Variants in MARCHF1 observed in about 807,000 individuals in gnomAD.
MARCHF1 encodes E3 ubiquitin-protein ligase MARCHF1.
MARCHF1 carries 40 observed loss-of-function variants against 54.2 expected under a neutral mutation model. The ratio of observed to expected loss-of-function variants is 0.74; its 90% CI spans 0.57 to 0.96. The LOEUF (loss-of-function observed/expected upper bound fraction) is 0.96. Ranked by LOEUF, MARCHF1 falls within the 40% of genes least tolerant of loss-of-function variation. The pLI is 0.00. For synonymous variants in MARCHF1, 236 were observed against 236.3 expected, an observed-to-expected ratio of 1.00 and a Z score of 0.01; for missense variants, 586 against 656.5, an observed-to-expected ratio of 0.89 and a Z score of 1.17.
intron 9 of MARCHF1, among the ~76,000 whole-genome samples, chr4:163,541,323 A>G (rs1354571757): frequency 2.6e-5 from 4 of 152,210 alleles, no homozygotes; most frequent in Admixed American, 6.5e-5. Context: ...CAACTTTACT[A>G]TCTACACCTA....
At chr4:164,325,977 T>C (rs1198831192) in intron 1 of MARCHF1, among the ~76,000 whole-genome samples, 2 of 152,204 alleles carry the variant, frequency 1.3e-5, no homozygotes, top group South Asian at 2.1e-4. Flanking sequence ...TGCAGTTCAC[T>C]ATTGTACATT....
chr4:164,100,891 G>A (rs1755533579), intron 2 of MARCHF1, among the ~76,000 whole-genome samples: 1 of 152,188 alleles, frequency 6.6e-6, no homozygotes, highest in South Asian at 2.1e-4. Flanking sequence ...GTGGGCGCAG[G>A]TCAGTGGGTG....
intron 3 of MARCHF1, among the ~76,000 whole-genome samples, chr4:163,913,706 AC>A: frequency 6.6e-6 from 1 of 152,212 alleles, no homozygotes; most frequent in East Asian, 1.9e-4. Context: ...TTGTTATCAA[AC>A]ACATGAAGCT....
chr4:163,545,334 G>T (rs938942915), intron 9 of MARCHF1, among the ~76,000 whole-genome samples: 1 of 152,190 alleles, frequency 6.6e-6, no homozygotes, highest in Non-Finnish European at 1.5e-5. Flanking sequence ...CCGAAGTGGT[G>T]TGTGCCATTT....
intron 1 of MARCHF1, among the ~76,000 whole-genome samples, chr4:164,133,727 G>T (rs1488575574): frequency 1.3e-5 from 2 of 152,134 alleles, no homozygotes; most frequent in Non-Finnish European, 2.9e-5. Context: ...CTTAAAATTT[G>T]GTATGTGTTA....
At chr4:164,259,561 A>AAAAAAG (rs1733400545) in intron 1 of MARCHF1, among the ~76,000 whole-genome samples, 3 of 115,738 alleles carry the variant, frequency 2.6e-5, no homozygotes, top group Non-Finnish European at 5.1e-5. Flanking sequence ...AAAAAAAAAA[A>AAAAAAG]AAAAGAAAAA....
At position 164,114,966 on chromosome 4, in the gene MARCHF1, A is replaced by T. The variant is rs1755910932; in HGVS notation, c.-322-3304T>A. Among the ~76,000 whole-genome samples, 3 of 152,162 alleles carry T rather than the reference A, an allele frequency of 2.0e-5. No individual in the cohort carries two copies. In the South Asian group the frequency reaches 6.2e-4, roughly 32 times the overall value. On this transcript the variant is annotated intron_variant, in intron 1 of 9. Transcript: ENST00000514618. Reference sequence around the variant, plus strand: ...CAGACAAAACAAGTTCTGAAGAATCATCAAATGAAATGTGTTCCCTTACAA... The same window carrying T: ...CAGACAAAACAAGTTCTGAAGAATCTTCAAATGAAATGTGTTCCCTTACAA...
chr4:163,908,144 G>T (rs918012726), intron 3 of MARCHF1, among the ~76,000 whole-genome samples: 2 of 152,110 alleles, frequency 1.3e-5, no homozygotes. Context: ...GATAAAGAAG[G>T]TTAAAACTCA....
At chr4:164,222,776 G>A (rs900713510) in intron 1 of MARCHF1, among the ~76,000 whole-genome samples, 1 of 152,006 alleles carries the variant, frequency 6.6e-6, no homozygotes, top group Admixed American at 6.6e-5. Context: ...TTTATGACAT[G>A]TATTATTTGA....
intron 3 of MARCHF1, among the ~76,000 whole-genome samples, chr4:163,870,375 G>T (rs1393801111): frequency 6.6e-6 from 1 of 152,016 alleles, no homozygotes; most frequent in Admixed American, 6.6e-5. Context: ...ATACATTTAA[G>T]ATATGGACAA....
At chr4:164,076,302 A>G (rs781095826) in intron 2 of MARCHF1, among the ~76,000 whole-genome samples, 3 of 152,128 alleles carry the variant, frequency 2.0e-5, no homozygotes, top group Non-Finnish European at 4.4e-5. Context: ...GAGCTCAAAG[A>G]ATCAGATTGA....
intron 1 of MARCHF1, among the ~76,000 whole-genome samples, chr4:164,173,722 C>T (rs1730587884): frequency 1.3e-5 from 2 of 152,168 alleles, no homozygotes. Flanking sequence ...GACATGTCTG[C>T]TCCCACTTTG....
intron 1 of MARCHF1, among the ~76,000 whole-genome samples, chr4:164,210,202 C>T (rs758375616): frequency 2.6e-5 from 4 of 152,132 alleles, no homozygotes; most frequent in South Asian, 2.1e-4. Flanking sequence ...AAAACTGTGA[C>T]ATTTTCCTAA....
At chr4:163,685,635 G>A (rs1047201808) in intron 5 of MARCHF1, among the ~76,000 whole-genome samples, 2 of 151,898 alleles carry the variant, frequency 1.3e-5, no homozygotes, top group African/African-American at 4.8e-5. Flanking sequence ...TTGTATTTTA[G>A]TAGAGATGGG....
At chr4:163,799,020 G>T (rs1579295527) in intron 4 of MARCHF1, among the ~76,000 whole-genome samples, 2 of 152,084 alleles carry the variant, frequency 1.3e-5, no homozygotes, top group South Asian at 4.1e-4. Context: ...CCCACTATTT[G>T]ATATTTTCTG....
chr4:163,987,712 G>A (rs1439438493), intron 3 of MARCHF1, among the ~76,000 whole-genome samples: 2 of 152,168 alleles, frequency 1.3e-5, no homozygotes, highest in African/African-American at 4.8e-5. Context: ...CTCCCTTTTA[G>A]GGGAACACGA....
At chr4:163,695,282 T>C (rs1392048282) in intron 5 of MARCHF1, among the ~76,000 whole-genome samples, 1 of 152,128 alleles carries the variant, frequency 6.6e-6, no homozygotes, top group Non-Finnish European at 1.5e-5. Flanking sequence ...AGATGAAGAT[T>C]TACAGAAGTA....
chr4:163,823,634 T>C (rs1039733120), intron 4 of MARCHF1, among the ~76,000 whole-genome samples: 2 of 151,908 alleles, frequency 1.3e-5, no homozygotes, highest in Admixed American at 1.3e-4. Flanking sequence ...TATTCTTAGA[T>C]TATTAACTGA....
At chr4:163,669,120 C>T (rs111527664) in intron 5 of MARCHF1, among the ~76,000 whole-genome samples, 5 of 152,122 alleles carry the variant, frequency 3.3e-5, no homozygotes, top group African/African-American at 1.2e-4. Flanking sequence ...ACATAAGCCT[C>T]GAATTCTTAC....
Sources: gnomAD v4.1 joint callset for allele counts (sites outside exome capture counted in the v4.1 genomes callset) on GRCh38, gnomAD v4.1.1 for gene constraint, MANE v1.5 for transcripts, NCBI Gene and HGNC (gene_info 2026-07-23, HGNC 2026-07-21) for gene names.